KCNIP4: variants seen among roughly 807,000 people sequenced by gnomAD.
KCNIP4 encodes potassium voltage-gated channel interacting protein 4, also known as Kv channel-interacting protein 4.
A neutral mutation model predicts 34.0 loss-of-function variants in KCNIP4; 12 were observed. That is an observed-to-expected ratio of 0.35 (90% CI 0.23 to 0.57). The LOEUF is 0.57. Among genes scored for constraint, KCNIP4 ranks in the 20% least tolerant of loss-of-function variants. The pLI is 0.83. For synonymous variants in KCNIP4, 124 were observed against 102.2 expected, an observed-to-expected ratio of 1.21 and a Z score of -1.29; for missense variants, 238 against 311.7, an observed-to-expected ratio of 0.76 and a Z score of 1.78.
chr4:21,925,683 A>G (rs903401613), intron 1 of KCNIP4, among the ~76,000 whole-genome samples: 1 of 152,142 alleles, frequency 6.6e-6, no homozygotes, highest in African/African-American at 2.4e-5. Flanking sequence ...GGTCTCTAGG[A>G]AAGTTTAGAT....
chr4:21,679,603 T>C (rs1209610792), intron 1 of KCNIP4, among the ~76,000 whole-genome samples: 1 of 152,234 alleles, frequency 6.6e-6, no homozygotes, highest in Non-Finnish European at 1.5e-5. Context: ...TGGAGTCTAG[T>C]AATACACTAT....
intron 1 of KCNIP4, among the ~76,000 whole-genome samples, chr4:21,460,973 T>A (rs73105853): frequency 0.028 from 4,195 of 151,806 alleles, 78 homozygotes; most frequent in East Asian, 0.038. Flanking sequence ...AAACGGAGAG[T>A]CAATATTTAG....
intron 1 of KCNIP4, among the ~76,000 whole-genome samples, chr4:21,105,818 T>G (rs535897360): frequency 1.3e-5 from 2 of 151,550 alleles, no homozygotes; most frequent in Non-Finnish European, 2.9e-5. Flanking sequence ...GTTGTTGAAT[T>G]TTGTCCAAGG....
intron 3 of KCNIP4, among the ~76,000 whole-genome samples, chr4:20,806,379 G>T (rs1458090215): frequency 6.6e-6 from 1 of 151,798 alleles, no homozygotes; most frequent in Admixed American, 6.6e-5. Context: ...GCTTTACAGA[G>T]GCAACTACTT....
intron 1 of KCNIP4, among the ~76,000 whole-genome samples, chr4:21,658,705 T>G (rs1172318643): frequency 6.6e-6 from 1 of 152,136 alleles, no homozygotes; most frequent in Admixed American, 6.6e-5. Flanking sequence ...CAGGCCCACA[T>G]AGTGCATATC....
chr4:21,529,169 C>T (rs887488362), intron 1 of KCNIP4, among the ~76,000 whole-genome samples: 3 of 152,118 alleles, frequency 2.0e-5, no homozygotes, highest in Admixed American at 6.5e-5. Flanking sequence ...TAATAGGCAG[C>T]AGCATGGATT....
chr4:21,238,950 C>A (rs995677060), intron 1 of KCNIP4, among the ~76,000 whole-genome samples: 1 of 152,296 alleles, frequency 6.6e-6, no homozygotes, highest in South Asian at 2.1e-4. Flanking sequence ...AAGCTGGAGG[C>A]ATCACGCTAC....
At chr4:20,916,986 TATA>T (rs1728883766) in intron 1 of KCNIP4, among the ~76,000 whole-genome samples, 2 of 78,902 alleles carry the variant, frequency 2.5e-5, no homozygotes, top group Non-Finnish European at 5.0e-5. Flanking sequence ...ATCTTATGTT[TATA>T]TATATATATA....
intron 1 of KCNIP4, among the ~76,000 whole-genome samples, chr4:21,625,772 A>G (rs989401324): frequency 6.6e-6 from 1 of 152,202 alleles, no homozygotes; most frequent in Non-Finnish European, 1.5e-5. Flanking sequence ...AAATAATGGG[A>G]ATAGTCAATA....
chr4:21,334,435 G>A, intron 1 of KCNIP4, among the ~76,000 whole-genome samples: 1 of 152,046 alleles, frequency 6.6e-6, no homozygotes. Flanking sequence ...AAGGTACCCG[G>A]CAGAGTGAAT....
At chr4:21,559,448 C>T (rs1375260169) in intron 1 of KCNIP4, among the ~76,000 whole-genome samples, 2 of 152,100 alleles carry the variant, frequency 1.3e-5, no homozygotes, top group African/African-American at 4.8e-5. Flanking sequence ...TATATGCATT[C>T]ACCATGTATG....
chr4:21,519,757 A>ATGTATGTGTATATATACACACGTGTG (rs1735326192), intron 1 of KCNIP4, among the ~76,000 whole-genome samples: 2 of 123,990 alleles, frequency 1.6e-5, no homozygotes, highest in Admixed American at 1.6e-4. Flanking sequence ...ACGTGTGTGT[A>ATGTATGTGTATATATACACACGTGTG]TGTATGTGTG....
At chr4:21,115,100 C>A (rs1362035975) in intron 1 of KCNIP4, among the ~76,000 whole-genome samples, 4 of 152,148 alleles carry the variant, frequency 2.6e-5, no homozygotes, top group Admixed American at 2.6e-4. Context: ...ACTTTTGTCC[C>A]TTCCCTCACA....
intron 1 of KCNIP4, among the ~76,000 whole-genome samples, chr4:21,789,850 C>T (rs1720162049): frequency 6.6e-6 from 1 of 152,158 alleles, no homozygotes; most frequent in South Asian, 2.1e-4. Flanking sequence ...GCAACCCACC[C>T]AAGTTGGGCC....
intron 1 of KCNIP4, among the ~76,000 whole-genome samples, chr4:21,775,920 C>T (rs1270529105): frequency 6.6e-6 from 1 of 152,192 alleles, no homozygotes; most frequent in Non-Finnish European, 1.5e-5. Context: ...TGCCCCTCCC[C>T]TAAGGAGCTC....
Position 21,110,559 on chromosome 4 carries a change from GT to G in KCNIP4, c.62-227851del, listed in dbSNP as rs539939294. Among the ~76,000 whole-genome samples the G allele has an allele frequency of 8.5e-5, 13 of 152,242 alleles. No homozygotes were observed. The South Asian group carries it at 2.7e-3, about 32-fold the overall frequency. Reference sequence around the variant, plus strand: ...CAGACTTCTCTGGCTTTTTAATTTTGTTTATATTTCATTTGTGCTATAAATG... The same window carrying G: ...CAGACTTCTCTGGCTTTTTAATTTTGTTATATTTCATTTGTGCTATAAATG... On this transcript the variant is annotated intron_variant, in intron 1 of 8. Coordinates refer to ENST00000382152, the MANE Select transcript of KCNIP4 (RefSeq NM_025221.6).
intron 3 of KCNIP4, among the ~76,000 whole-genome samples, chr4:20,847,429 A>G: frequency 6.6e-6 from 1 of 152,104 alleles, no homozygotes; most frequent in East Asian, 1.9e-4. Context: ...CACCTCTACT[A>G]AGTCATAATC....
intron 1 of KCNIP4, among the ~76,000 whole-genome samples, chr4:21,340,426 G>A (rs150704217): frequency 6.6e-6 from 1 of 152,148 alleles, no homozygotes; most frequent in African/African-American, 2.4e-5. Flanking sequence ...TTAAATTCAA[G>A]TTTATTGCAC....
At chr4:21,136,963 G>C (rs976112810) in intron 1 of KCNIP4, among the ~76,000 whole-genome samples, 2 of 152,028 alleles carry the variant, frequency 1.3e-5, no homozygotes, top group Non-Finnish European at 1.5e-5. Flanking sequence ...GCTCTGCCCA[G>C]GCCTGCCTTC....
Sources: gnomAD v4.1 joint callset for allele counts (sites outside exome capture counted in the v4.1 genomes callset) on GRCh38, gnomAD v4.1.1 for gene constraint, MANE v1.5 for transcripts, NCBI Gene and HGNC (gene_info 2026-07-23, HGNC 2026-07-21) for gene names.